AMPD3: variants seen among roughly 807,000 people sequenced by gnomAD.
The protein encoded by AMPD3 is adenosine monophosphate deaminase 3.
AMPD3 carries 57 observed loss-of-function variants against 82.3 expected under a neutral mutation model. The ratio of observed to expected loss-of-function variants is 0.69; its 90% CI spans 0.56 to 0.86. The LOEUF is 0.86. Ranked by LOEUF, AMPD3 falls within the 40% of genes least tolerant of loss-of-function variation. The probability of loss-of-function intolerance (pLI) is 0.00; values close to 1 mark genes in which losing one functional copy is unlikely to be tolerated. For synonymous variants in AMPD3, 381 were observed against 394.7 expected, an observed-to-expected ratio of 0.97 and a Z score of 0.41; for missense variants, 870 against 1,003.8, an observed-to-expected ratio of 0.87 and a Z score of 1.80.
chr11:10,467,380 T>A (rs2133842277), intron 2 of AMPD3, among the ~76,000 whole-genome samples: 1 of 152,112 alleles, frequency 6.6e-6, no homozygotes, highest in African/African-American at 2.4e-5. Context: ...TTCACAAGTA[T>A]GAATAGCTGA....
rs936198357 is a variant in AMPD3 at position 10,455,270 on chromosome 11, C to T, written c.-184C>T. The stretch of plus-strand genomic sequence containing the variant: ...GTCTGTTCTGAGCCTTCCCACTCTC[C>T]TAAAGGGCAGATGAAGATCAGAGCT... On this transcript the variant is annotated 5_prime_UTR_variant, in exon 1 of 15. Coordinates refer to ENST00000396553, the MANE Select transcript of AMPD3 (RefSeq NM_001025389.2). 7.1e-6 allele frequency: 7 copies of T among 985,340 alleles called. No individual in the cohort carries two copies. Among genetic ancestry groups the T allele is most frequent in the African/African-American group, 7.0e-5 (4 of 57,238 alleles). 61.0% of individuals were successfully genotyped at this position (985,340 alleles called of 1,614,324 possible).
intron 1 of AMPD3, chr11:10,455,942 C>A (rs937003093): frequency 1.0e-6 from 1 of 985,366 alleles, no homozygotes; most frequent in Non-Finnish European, 1.2e-6. Context: ...TGATATCGCT[C>A]GTTGCTACTC....
At chr11:10,499,441 C>T (rs936746366) in intron 10 of AMPD3, 10 of 154,376 alleles carry the variant, frequency 6.5e-5, no homozygotes, top group African/African-American at 2.4e-4. Flanking sequence ...TGGCCTCGAA[C>T]TCCTGACCTC....
chr11:10,460,734 A>G (rs1222388624), intron 1 of AMPD3: 4 of 246,342 alleles, frequency 1.6e-5, no homozygotes, highest in Non-Finnish European at 2.6e-5. Flanking sequence ...AGTGCTATAC[A>G]AGTAATTGCA....
intron 2 of AMPD3, among the ~76,000 whole-genome samples, chr11:10,464,022 A>G (rs1312768881): frequency 6.6e-6 from 1 of 152,088 alleles, no homozygotes; most frequent in East Asian, 1.9e-4. Context: ...GACTTTGGGG[A>G]AATTAGGAAA....
At chr11:10,481,546 A>G (rs956045587) in intron 3 of AMPD3, 1 of 972,168 alleles carries the variant, frequency 1.0e-6, no homozygotes, top group South Asian at 4.8e-5. Flanking sequence ...TCCAGGTTGG[A>G]TGATTCACCA....
At chr11:10,496,213 C>A in intron 9 of AMPD3, 1 of 985,388 alleles carries the variant, frequency 1.0e-6, no homozygotes, top group East Asian at 1.1e-4. Context: ...CTGCATCCAG[C>A]TGACACTAGA....
intron 3 of AMPD3, among the ~76,000 whole-genome samples, chr11:10,480,519 G>A (rs929628533): frequency 6.6e-6 from 1 of 152,060 alleles, no homozygotes; most frequent in African/African-American, 2.4e-5. Flanking sequence ...TTTGTATTTA[G>A]TATTTACTAA....
intron 1 of AMPD3, among the ~76,000 whole-genome samples, chr11:10,458,946 G>C (rs1848179830): frequency 1.3e-5 from 2 of 152,130 alleles, no homozygotes; most frequent in Non-Finnish European, 2.9e-5. Context: ...TGGAATAAGG[G>C]GGGAGGTGAG....
intron 12 of AMPD3, chr11:10,502,027 TTGTC>T: frequency 1.0e-6 from 1 of 985,436 alleles, no homozygotes. Flanking sequence ...GTCTGCCACT[TTGTC>T]TGTAATTGAC....
At chr11:10,450,832 C>T, upstream of AMPD3, 3 of 1,194,200 alleles carry the variant, frequency 2.5e-6, no homozygotes, top group Non-Finnish European at 3.1e-6. Flanking sequence ...CCTCCCTCCT[C>T]CCGCGGGGCC....
chr11:10,455,230 A>C, upstream of AMPD3: 1 of 985,424 alleles, frequency 1.0e-6, no homozygotes, highest in Non-Finnish European at 1.2e-6. Flanking sequence ...TGCCTAAGTC[A>C]CTGGGAGGCT....
chr11:10,481,443 C>A, intron 3 of AMPD3: 12 of 985,380 alleles, frequency 1.2e-5, no homozygotes, highest in Non-Finnish European at 1.3e-5. Flanking sequence ...GCATGTGAGG[C>A]CGGCTTCTGG....
At chr11:10,475,906 C>T (rs1404463791) in intron 2 of AMPD3, among the ~76,000 whole-genome samples, 1 of 152,160 alleles carries the variant, frequency 6.6e-6, no homozygotes, top group Non-Finnish European at 1.5e-5. Flanking sequence ...CCGGAATGAA[C>T]TTGGAAGTGA....
chr11:10,492,783 A>G (rs1025538016), intron 6 of AMPD3, among the ~76,000 whole-genome samples: 8 of 152,196 alleles, frequency 5.3e-5, no homozygotes, highest in Non-Finnish European at 1.0e-4. Flanking sequence ...GGCAAGGGAA[A>G]GAGCATTCAG....
chr11:10,482,044 G>C lies in AMPD3; in HGVS notation c.427-19G>C. ...AGGCCTGCTGCATGAACCCTTTCCT[G>C]CCTGCCTCCCTTCTGCAGATCACTT... On this transcript the variant is annotated intron_variant, in intron 3 of 14. Transcript: ENST00000396553. 1 of 1,614,142 alleles carries C rather than the reference G, an allele frequency of 6.2e-7. No homozygotes were observed. The highest frequency in any genetic ancestry group is 8.5e-7 in the Non-Finnish European group (1 of 1,180,020).
At chr11:10,492,856 A>G (rs1849276633) in intron 6 of AMPD3, among the ~76,000 whole-genome samples, 1 of 152,152 alleles carries the variant, frequency 6.6e-6, no homozygotes, top group South Asian at 2.1e-4. Context: ...TTCTAGGTGG[A>G]TGAGATGGTG....
chr11:10,497,422 A>G (rs964658477), intron 10 of AMPD3, among the ~76,000 whole-genome samples: 1 of 152,108 alleles, frequency 6.6e-6, no homozygotes, highest in Non-Finnish European at 1.5e-5. Flanking sequence ...TAGGAGAAGG[A>G]GAGGAGCAGT....
At chr11:10,451,944 G>C (rs368385798), upstream of AMPD3, among the ~76,000 whole-genome samples, 16 of 152,320 alleles carry the variant, frequency 1.1e-4, no homozygotes, top group East Asian at 3.9e-4. Context: ...ACCTCTAGGA[G>C]TGTTGACAGC....
Sources: allele counts gnomAD v4.1 joint callset (sites outside exome capture counted in the v4.1 genomes callset), GRCh38; gene constraint gnomAD v4.1.1; transcripts MANE v1.5; gene names NCBI Gene and HGNC (gene_info 2026-07-23, HGNC 2026-07-21).